The following VWCE variants were observed in gnomAD, a reference collection of about 807,000 sequenced individuals.
VWCE encodes the protein von Willebrand factor C and EGF domain-containing protein.
In VWCE, 68 loss-of-function variants were observed where a neutral mutation model predicts 102.9. The observed-to-expected ratio is 0.66, with a 90% CI of 0.54 to 0.81. The LOEUF is 0.81. VWCE is among the 30% of genes least tolerant of loss of function. The pLI, the probability that VWCE is intolerant of heterozygous loss-of-function variation, is 0.00. For missense variants in VWCE, 1,137 were observed against 1,263.6 expected, an observed-to-expected ratio of 0.90 and a Z score of 1.52; for synonymous variants, 497 against 515.4, an observed-to-expected ratio of 0.96 and a Z score of 0.48.
At chr11:61,274,937 C>T (rs1309828100) in intron 11 of VWCE, among the ~76,000 whole-genome samples, 1 of 152,126 alleles carries the variant, frequency 6.6e-6, no homozygotes, top group Non-Finnish European at 1.5e-5. Flanking sequence ...GCAGTGCGTG[C>T]CTGTTGTCCT....
chr11:61,281,183 G>A lies in VWCE; in HGVS notation c.840C>T (p.His280=). The A allele has an allele frequency of 6.2e-7, 1 of 1,613,412 alleles. No individual in the cohort carries two copies. Among genetic ancestry groups the A allele is most frequent in the Non-Finnish European group, 8.5e-7 (1 of 1,180,018 alleles). Residue 280 remains histidine, a synonymous_variant, in exon 8 of 20, where the codon CAC becomes CAT. Coordinates refer to ENST00000335613, the MANE Select transcript of VWCE (RefSeq NM_152718.2). ...GAAGCAACAGAAGCATCTTGGACGG[G>A]TGTTGCCGGGGTTGCAGGATGGCAG... The part of the protein sequence containing the change: ...APSAILQPRQ[H]PSKMLLLLPE...
At chr11:61,267,871 C>G (rs868488797) in intron 15 of VWCE, among the ~76,000 whole-genome samples, 3 of 151,846 alleles carry the variant, frequency 2.0e-5, no homozygotes, top group African/African-American at 7.3e-5. Context: ...TGTGTGAGGC[C>G]CCACAGCATC....
At chr11:61,261,519 G>A (rs189551902) in intron 19 of VWCE, among the ~76,000 whole-genome samples, 18 of 151,946 alleles carry the variant, frequency 1.2e-4, no homozygotes, top group Middle Eastern at 3.4e-3. Context: ...AAGGCGGGAC[G>A]ATTGCTTGAG....
intron 19 of VWCE, among the ~76,000 whole-genome samples, chr11:61,262,155 T>C (rs1489833674): frequency 1.3e-5 from 2 of 152,164 alleles, no homozygotes; most frequent in Non-Finnish European, 2.9e-5. Context: ...GGTTTCACCA[T>C]GTTGGACAGG....
rs774332225 is a variant in VWCE, at chr11:61,258,868, C to T, written c.2675G>A (p.Gly892Asp). Residue 892 changes from glycine (G) to aspartate (D), a missense_variant, in exon 20 of 20, where the codon GGC (glycine) becomes GAC (aspartate). This residue lies in a region of VWCE where 316 missense variants were observed against 319.3 expected (regional missense o/e 0.99). Transcript: ENST00000335613. Reference sequence around the variant, plus strand: ...TGCTGAAGCTTCCGTCAGGAGGGTGCCAGGCAGAGGAGGCCACCTGGACAC... The same window carrying T: ...TGCTGAAGCTTCCGTCAGGAGGGTGTCAGGCAGAGGAGGCCACCTGGACAC... ...QIVSRWPPLP[G>D]TLLTEASALS... is the part of the protein sequence containing the mutation. The T allele has an allele frequency of 2.6e-6, 4 of 1,518,006 alleles. No individual in the cohort carries two copies. In the South Asian group the frequency reaches 4.0e-5, roughly 15 times the overall value. The allele number at this position is 1,518,006 out of a possible 1,614,324, so 94.0% of individuals were successfully genotyped here.
chr11:61,280,517 C>T, intron 9 of VWCE, 107 bp downstream of exon 9: 1 of 1,163,572 alleles, frequency 8.6e-7, no homozygotes, highest in Non-Finnish European at 1.2e-6. Flanking sequence ...GTAAACCCTC[C>T]AGGAGATTCT....
In VWCE at chr11:61,278,433, A is replaced by G. The variant is rs1855000558; in HGVS notation, c.1368T>C (p.Phe456=). 1 of 1,614,176 alleles carries G rather than the reference A, an allele frequency of 6.2e-7. No homozygotes were observed. Among genetic ancestry groups the G allele is most frequent in the East Asian group, 2.2e-5 (1 of 44,886 alleles). ...CGGTGCAGTTCTCATTGGGAGGTGA[A>G]AACACATCCCCTTCAGCTCGGACGA... ...SGVVRAEGDV[F]SPPNENCTVC... is the part of the protein sequence containing the mutation. The change falls in exon 10 of 20, where the codon TTT becomes TTC. Residue 456 remains phenylalanine, a synonymous_variant. Transcript: ENST00000335613.
At chr11:61,279,129 A>G (rs1855031116) in intron 9 of VWCE, among the ~76,000 whole-genome samples, 1 of 152,128 alleles carries the variant, frequency 6.6e-6, no homozygotes, top group African/African-American at 2.4e-5. Flanking sequence ...TCACCTCTCT[A>G]GTACCCAGAT....
At chr11:61,291,990 A>T (rs1275477496) in intron 1 of VWCE, among the ~76,000 whole-genome samples, 1 of 152,190 alleles carries the variant, frequency 6.6e-6, no homozygotes, top group African/African-American at 2.4e-5. Context: ...GGGAAGCCGA[A>T]GCAGGCTGAT....
chr11:61,286,762 T>G (rs1855342666), intron 4 of VWCE, among the ~76,000 whole-genome samples: 1 of 142,250 alleles, frequency 7.0e-6, no homozygotes, highest in Admixed American at 7.2e-5. Context: ...GATTGCGCCA[T>G]TGCACTCCAG....
At chr11:61,269,115 G>T in intron 14 of VWCE, 97 bp from the exon 15 acceptor site, 1 of 1,179,506 alleles carries the variant, frequency 8.5e-7, no homozygotes, top group Non-Finnish European at 1.2e-6. Context: ...AACTGGCCAA[G>T]GCTTGCCCTG....
intron 19 of VWCE, among the ~76,000 whole-genome samples, chr11:61,260,294 G>C (rs1377483696): frequency 1.3e-5 from 2 of 151,974 alleles, no homozygotes; most frequent in Non-Finnish European, 2.9e-5. Flanking sequence ...GGGTGGGGGG[G>C]ACAGGTTCTC....
rs921024493 is a variant in VWCE, at chr11:61,295,051, G to C, written c.-14C>G. 2 of 1,355,594 alleles carry C rather than the reference G, an allele frequency of 1.5e-6. No individual in the cohort carries two copies. Among genetic ancestry groups the C allele is most frequent in the East Asian group, 3.1e-5 (1 of 32,180 alleles). 84.0% of individuals were successfully genotyped at this position (1,355,594 alleles called of 1,614,324 possible). A position where few individuals can be genotyped will look rare whatever the true frequency, so the allele number is the denominator to read the frequency against. On this transcript the variant is annotated 5_prime_UTR_variant, in exon 1 of 20. Transcript: ENST00000335613. This position sits in a 1 kb window ranked among gnomAD's most constrained non-coding sequence, Gnocchi z 4.6. ...TCCGGCCCACATGACCGGCGGCGGC[G>C]GGTCCCCCGGGCTGGGCTCGGCTCC...
intron 9 of VWCE, 63 bp downstream of exon 9, chr11:61,280,561 C>A: frequency 6.5e-7 from 1 of 1,546,728 alleles, no homozygotes; most frequent in Admixed American, 1.8e-5. Context: ...AGCCTTTTGG[C>A]TGCAGGAGGG....
chr11:61,264,540 C>T lies in VWCE; in HGVS notation c.2177G>A (p.Arg726Gln), dbSNP rs756612677. The change falls in exon 19 of 20, where the codon CGG becomes CAG. Residue 726 changes from arginine to glutamine, a missense_variant. Physicochemically the swap from Arg to Gln is conservative, Grantham distance 43 (BLOSUM62 1). Coordinates refer to ENST00000335613, the MANE Select transcript of VWCE (RefSeq NM_152718.2). Reference sequence around the variant, plus strand: ...AAGCAGGGCAGGGTCGGCACAGGCCCGCTGGCAGGGAACCTTCTCACAGCT... The same window carrying T: ...AAGCAGGGCAGGGTCGGCACAGGCCTGCTGGCAGGGAACCTTCTCACAGCT... ...EVSCEKVPCQRACADPALLPG... is the reference protein window; with the variant it reads ...EVSCEKVPCQQACADPALLPG... 11 of 1,612,762 alleles carry T rather than the reference C, an allele frequency of 6.8e-6. No individual in the cohort carries two copies. Among genetic ancestry groups the T allele is most frequent in the African/African-American group, 4.0e-5 (3 of 74,924 alleles).
rs370021244 is a variant in VWCE, at chr11:61,286,426, A to G, written c.429T>C (p.Ile143=). The G allele has an allele frequency of 6.2e-7, 1 of 1,611,526 alleles. No individual in the cohort carries two copies. Among genetic ancestry groups the G allele is most frequent in the African/African-American group, 1.3e-5 (1 of 74,924 alleles). ...ETAVGIRCTD[I]DECVTSSCEG... ...CGCAGGAGGAGGTTACACATTCGTC[A>G]ATGTCTGGAAAGACAGAAAGCACGT... The change falls in exon 5 of 20, where the codon ATT becomes ATC. Residue 143 remains isoleucine (I), a synonymous_variant. Coordinates refer to ENST00000335613, the MANE Select transcript of VWCE (RefSeq NM_152718.2).
At chr11:61,268,416 T>C (rs1854574608) in intron 15 of VWCE, among the ~76,000 whole-genome samples, 3 of 152,118 alleles carry the variant, frequency 2.0e-5, no homozygotes, top group Admixed American at 1.3e-4. Flanking sequence ...TAGCCAGGCA[T>C]GGTGGTGGGC....
In VWCE at chr11:61,290,915, G is replaced by A. The variant is rs913722200; in HGVS notation, c.308C>T (p.Pro103Leu). 7 of 1,613,436 alleles carry A rather than the reference G, an allele frequency of 4.3e-6. No individual in the cohort carries two copies. Among genetic ancestry groups the A allele is most frequent in the Non-Finnish European group, 5.9e-6 (7 of 1,179,826 alleles). ...AAGGTCACAGCCGTACTCCCCACAT[G>A]GTCCATGGGTTTCTAGAGCAGGCAT... ...QGATCPETHG[P>L]CGEYGCDLTC... The change falls in exon 4 of 20, where the codon CCA becomes CTA. Residue 103 changes from proline to leucine, a missense_variant. By Grantham distance (98) the Pro-to-Leu change is moderately conservative. Transcript: ENST00000335613.
chr11:61,281,150 G>T lies in VWCE; in HGVS notation c.873C>A (p.Ala291=), dbSNP rs748961122. ...GTCCTGGGGACAGGGCAGGCCGGCC[G>T]GCCTCAGGAAGCAACAGAAGCATCT... ...PSKMLLLLPE[A]GRPALSPGHS... Residue 291 remains alanine (A), a synonymous_variant, in exon 8 of 20, where the codon GCC becomes GCA. Transcript: ENST00000335613. 15 of 1,613,632 alleles carry T rather than the reference G, an allele frequency of 9.3e-6. No homozygotes were observed. The highest frequency in any genetic ancestry group is 4.2e-6 in the Non-Finnish European group (5 of 1,180,022).
Sources: gnomAD v4.1 joint callset for allele counts (sites outside exome capture counted in the v4.1 genomes callset) on GRCh38, gnomAD v4.1.1 for gene constraint, gnomAD v4.1.1 regional missense constraint, Gnocchi (gnomAD v3.1) non-coding constraint, MANE v1.5 for transcripts, NCBI Gene and HGNC (gene_info 2026-07-23, HGNC 2026-07-21) for gene names.